Variants in CYB5R4 observed in about 807,000 individuals in gnomAD.
CYB5R4 encodes cytochrome b5 reductase 4.
In CYB5R4, 55 loss-of-function variants were observed where a neutral mutation model predicts 70.2. That is an observed-to-expected ratio of 0.78 (90% CI 0.63 to 0.98). CYB5R4 has a LOEUF of 0.98. Ranked by LOEUF, CYB5R4 falls within the 50% of genes least tolerant of loss-of-function variation. The probability of loss-of-function intolerance (pLI) is 0.00; values close to 1 mark genes in which losing one functional copy is unlikely to be tolerated. For missense variants in CYB5R4, 562 were observed against 612.6 expected (o/e 0.92, Z 0.87); for synonymous variants, 197 against 199.5 (o/e 0.99, Z 0.11).
At chr6:83,904,821 TA>T (rs2099463507) in intron 3 of CYB5R4, among the ~76,000 whole-genome samples, 1 of 152,242 alleles carries the variant, frequency 6.6e-6, no homozygotes, top group African/African-American at 2.4e-5. Context: ...TATTGTTTTT[TA>T]TAATTCTGTT....
chr6:83,931,721 G>T (rs1206079082), intron 10 of CYB5R4, among the ~76,000 whole-genome samples: 1 of 151,540 alleles, frequency 6.6e-6, no homozygotes, highest in Non-Finnish European at 1.5e-5. Flanking sequence ...CCAAAAAGTG[G>T]ACAGTTAGAT....
At chr6:83,952,337 T>G (rs1179621408) in intron 14 of CYB5R4, among the ~76,000 whole-genome samples, 3 of 152,188 alleles carry the variant, frequency 2.0e-5, no homozygotes, top group Non-Finnish European at 4.4e-5. Context: ...CATAAGTGAC[T>G]GTAAAGTCTG....
chr6:83,883,153 T>A (rs1160328540), intron 2 of CYB5R4, among the ~76,000 whole-genome samples: 1 of 152,236 alleles, frequency 6.6e-6, no homozygotes, highest in Admixed American at 6.5e-5. Flanking sequence ...AACTTGCAGA[T>A]AGATGAATAT....
At chr6:83,945,786 A>G (rs1247030651) in intron 14 of CYB5R4, among the ~76,000 whole-genome samples, 1 of 152,348 alleles carries the variant, frequency 6.6e-6, no homozygotes, top group East Asian at 1.9e-4. Context: ...AGATAATACT[A>G]TAAACAACTC....
chr6:83,877,566 G>A (rs889485344), intron 2 of CYB5R4, among the ~76,000 whole-genome samples: 12 of 151,840 alleles, frequency 7.9e-5, no homozygotes, highest in African/African-American at 2.9e-4. Context: ...GTGGGTGGGG[G>A]AGGATGTGCC....
intron 14 of CYB5R4, among the ~76,000 whole-genome samples, chr6:83,953,610 A>T (rs2099471866): frequency 6.6e-6 from 1 of 152,186 alleles, no homozygotes; most frequent in Admixed American, 6.5e-5. Flanking sequence ...TTTTAGGGGA[A>T]CTAATATGGC....
Position 83,870,917 on chromosome 6 carries a change from C to T in CYB5R4, c.229+6589C>T, listed in dbSNP as rs114463919. The stretch of plus-strand genomic sequence containing the variant: ...TGAATACAAATCAACAATGTTCTGC[C>T]TGGAAGAAAATCAACATTATTTTAG... On this transcript the variant is annotated intron_variant, in intron 2 of 15. Coordinates refer to ENST00000369681, the MANE Select transcript of CYB5R4 (RefSeq NM_016230.4). Among the ~76,000 whole-genome samples the T allele has an allele frequency of 9.6e-3, 1,443 of 150,612 alleles. 17 individuals are homozygous for T. Among genetic ancestry groups the T allele is most frequent in the African/African-American group, 0.032 (1,328 of 40,928 alleles).
At chr6:83,903,669 C>T (rs939740866) in intron 3 of CYB5R4, among the ~76,000 whole-genome samples, 2 of 151,752 alleles carry the variant, frequency 1.3e-5, no homozygotes, top group Non-Finnish European at 2.9e-5. Context: ...TTTGTTGTTG[C>T]TGTTGCTGTT....
At chr6:83,880,864 T>C (rs1361849761) in intron 2 of CYB5R4, among the ~76,000 whole-genome samples, 1 of 152,230 alleles carries the variant, frequency 6.6e-6, no homozygotes, top group Non-Finnish European at 1.5e-5. Context: ...ATTGGGCCGG[T>C]CTACTCTCAC....
intron 2 of CYB5R4, among the ~76,000 whole-genome samples, chr6:83,875,875 C>T (rs1024618893): frequency 2.0e-5 from 3 of 152,138 alleles, no homozygotes; most frequent in Non-Finnish European, 4.4e-5. Flanking sequence ...TTAGTGGATA[C>T]TATTAATTTG....
intron 11 of CYB5R4, among the ~76,000 whole-genome samples, chr6:83,935,838 A>C (rs1029216962): frequency 2.6e-5 from 4 of 152,120 alleles, no homozygotes; most frequent in African/African-American, 9.7e-5. Flanking sequence ...GTGTATAATT[A>C]AAATTATTAG....
At chr6:83,955,173 G>A (rs1211967667) in intron 14 of CYB5R4, 125 bp from the exon 15 acceptor site, 1 of 693,352 alleles carries the variant, frequency 1.4e-6, no homozygotes, top group Non-Finnish European at 2.2e-6. Context: ...TGTTTTTCTA[G>A]CAAGTAAGTG....
intron 2 of CYB5R4, among the ~76,000 whole-genome samples, chr6:83,884,003 A>C (rs1166279454): frequency 1.3e-5 from 2 of 152,020 alleles, no homozygotes; most frequent in East Asian, 3.9e-4. Flanking sequence ...TTCTAAAAAA[A>C]GTTTGGTTAA....
chr6:83,950,855 T>C (rs1040529287), intron 14 of CYB5R4, among the ~76,000 whole-genome samples: 2 of 152,214 alleles, frequency 1.3e-5, no homozygotes, highest in Non-Finnish European at 2.9e-5. Context: ...TTTAAAATAA[T>C]GTAGTCATAC....
At chr6:83,924,811 C>T (rs1459931590) in intron 10 of CYB5R4, among the ~76,000 whole-genome samples, 1 of 152,124 alleles carries the variant, frequency 6.6e-6, no homozygotes, top group Non-Finnish European at 1.5e-5. Context: ...ATAGCAAAGT[C>T]ATTACGTAAT....
rs1053278501 is a variant in CYB5R4, at chr6:83,966,961, T to C, written c.*7083T>C. 19 of 152,188 alleles carry C rather than the reference T, an allele frequency of 1.2e-4. No individual in the cohort carries two copies. The highest frequency in any genetic ancestry group is 4.6e-4 in the African/African-American group (19 of 41,458). 9.4% of individuals were successfully genotyped at this position (152,188 alleles called of 1,614,324 possible). On this transcript the variant is annotated 3_prime_UTR_variant, in exon 16 of 16. Transcript: ENST00000369681. ...CTGAACCATGAAAAGTAAATGCCTTTAGTTATCTAAACAAAAACTAATTAC... is the reference window on the plus strand; with the variant it reads ...CTGAACCATGAAAAGTAAATGCCTTCAGTTATCTAAACAAAAACTAATTAC...
Position 83,864,203 on chromosome 6 carries a change from T to C in CYB5R4, c.104T>C (p.Met35Thr). 6.2e-7 allele frequency: 1 copy of C among 1,610,566 alleles called. No individual in the cohort carries two copies. The highest frequency in any genetic ancestry group is 8.5e-7 in the Non-Finnish European group (1 of 1,178,724). The change falls in exon 2 of 16, where the codon ATG becomes ACG. Residue 35 changes from methionine (M) to threonine (T), a missense_variant. Met to Thr is a moderately conservative substitution (Grantham distance 81). Transcript: ENST00000369681. The stretch of plus-strand genomic sequence containing the variant: ...CCTTTAAAACAGGGCAGAAGCCTTA[T>C]GGATTGGATTCGACTGACCAAAAGT... ...KVPLKQGRSL[M>T]DWIRLTKSGK...
chr6:83,914,987 G>C (rs2129138918), intron 5 of CYB5R4, among the ~76,000 whole-genome samples: 1 of 152,162 alleles, frequency 6.6e-6, no homozygotes, highest in East Asian at 1.9e-4. Flanking sequence ...TCTTCCCTCA[G>C]CTTGAATACT....
At chr6:83,906,090 T>C (rs914226954) in intron 3 of CYB5R4, among the ~76,000 whole-genome samples, 10 of 152,152 alleles carry the variant, frequency 6.6e-5, no homozygotes, top group Non-Finnish European at 1.5e-4. Context: ...AGGCTATCAG[T>C]GGAATGCTCA....
Sources: allele counts gnomAD v4.1 joint callset (sites outside exome capture counted in the v4.1 genomes callset), GRCh38; gene constraint gnomAD v4.1.1; transcripts MANE v1.5; gene names NCBI Gene and HGNC (gene_info 2026-07-23, HGNC 2026-07-21).